Variants in TRPM3 observed in about 807,000 individuals in gnomAD.
TRPM3 encodes the protein long transient receptor potential channel 3.
Under a neutral mutation model 181.2 loss-of-function variants are expected in TRPM3, and 77 were observed. The observed-to-expected ratio is 0.42, with a 90% CI of 0.35 to 0.51. TRPM3 has a LOEUF of 0.51. Ranked by LOEUF, TRPM3 falls within the 20% of genes least tolerant of loss-of-function variation. The pLI is 0.01. For synonymous variants in TRPM3, 745 were observed against 796.4 expected, an observed-to-expected ratio of 0.94 and a Z score of 1.09; for missense variants, 1,759 against 2,196.7, an observed-to-expected ratio of 0.80 and a Z score of 3.98.
chr9:71,384,925 A>G (rs1437938540), intron 1 of TRPM3, among the ~76,000 whole-genome samples: 1 of 152,224 alleles, frequency 6.6e-6, no homozygotes, highest in Non-Finnish European at 1.5e-5. Context: ...TCTTTTAATT[A>G]AAAGAGAAAA....
At chr9:70,581,793 C>T (rs2055773815) in intron 22 of TRPM3, among the ~76,000 whole-genome samples, 1 of 152,080 alleles carries the variant, frequency 6.6e-6, no homozygotes, top group Non-Finnish European at 1.5e-5. Context: ...CTGCATGGGC[C>T]TCAACTGGTC....
chr9:70,780,745 C>T (rs2082275126), intron 7 of TRPM3, among the ~76,000 whole-genome samples: 1 of 152,134 alleles, frequency 6.6e-6, no homozygotes, highest in Admixed American at 6.6e-5. Context: ...AGCAAGAGCA[C>T]ACTTTTATCA....
intron 1 of TRPM3, among the ~76,000 whole-genome samples, chr9:71,292,232 A>T (rs1366839910): frequency 6.6e-6 from 1 of 152,094 alleles, no homozygotes; most frequent in East Asian, 1.9e-4. Flanking sequence ...GCATACACAC[A>T]TACACAGGGC....
chr9:70,618,814 C>G, intron 17 of TRPM3, 53 bp downstream of exon 17: 4 of 1,534,666 alleles, frequency 2.6e-6, no homozygotes, highest in Non-Finnish European at 3.6e-6. Flanking sequence ...TGGGAAAACT[C>G]TAACCCACCC....
intron 18 of TRPM3, among the ~76,000 whole-genome samples, chr9:70,614,076 C>A (rs1468891665): frequency 6.6e-6 from 1 of 152,102 alleles, no homozygotes; most frequent in African/African-American, 2.4e-5. Context: ...TCACCCTTAA[C>A]CTATTGTCTA....
chr9:70,610,496 C>T, intron 19 of TRPM3, 113 bp downstream of exon 19: 3 of 1,309,050 alleles, frequency 2.3e-6, no homozygotes, highest in South Asian at 3.0e-5. Flanking sequence ...ACAGAACTTT[C>T]ACTCCTGTGT....
chr9:71,170,054 T>A (rs2076773279), intron 1 of TRPM3, among the ~76,000 whole-genome samples: 1 of 149,594 alleles, frequency 6.7e-6, no homozygotes, highest in Non-Finnish European at 1.5e-5. Flanking sequence ...GCTTAATTTC[T>A]AATTTCCAGT....
chr9:70,686,804 T>C (rs2067041938), intron 8 of TRPM3, among the ~76,000 whole-genome samples: 1 of 138,420 alleles, frequency 7.2e-6, no homozygotes, highest in Non-Finnish European at 1.5e-5. Flanking sequence ...CCTCCCTCCC[T>C]CTTTCTTTTC....
At position 71,282,170 on chromosome 9, in the gene TRPM3, T is replaced by C. The variant is rs1469100008; in HGVS notation, c.183+164483A>G. Among the ~76,000 whole-genome samples, 6 of 16,540 alleles carry C rather than the reference T, an allele frequency of 3.6e-4. 1 individual carries two copies. The highest frequency in any genetic ancestry group is 8.4e-4 in the African/African-American group (3 of 3,566). 10.9% of individuals were successfully genotyped at this position (16,540 alleles called of 152,430 possible). Reference sequence around the variant, plus strand: ...GAAAGAAAGAAAGGAAAAGAAAGAATGAAAGAAAGAAAGAAAGGAAAGAAA... The same window carrying C: ...GAAAGAAAGAAAGGAAAAGAAAGAACGAAAGAAAGAAAGAAAGGAAAGAAA... On this transcript the variant is annotated intron_variant, in intron 1 of 24. Transcript: ENST00000357533.
chr9:71,146,323 T>C (rs551591291), intron 1 of TRPM3, among the ~76,000 whole-genome samples: 1 of 152,248 alleles, frequency 6.6e-6, no homozygotes, highest in East Asian at 1.9e-4. Flanking sequence ...GCTCATACTA[T>C]ACATTCCAGA....
chr9:71,345,770 T>C (rs760537160), intron 1 of TRPM3, among the ~76,000 whole-genome samples: 1 of 152,124 alleles, frequency 6.6e-6, no homozygotes, highest in African/African-American at 2.4e-5. Flanking sequence ...TACAGTTATA[T>C]GACAAAAGAA....
intron 1 of TRPM3, among the ~76,000 whole-genome samples, chr9:71,430,575 A>G (rs1358482565): frequency 6.6e-6 from 1 of 152,092 alleles, no homozygotes; most frequent in Non-Finnish European, 1.5e-5. Context: ...GCACTTTGGG[A>G]GGCTGAGGCG....
chr9:71,177,815 A>G (rs1206577963), intron 1 of TRPM3, among the ~76,000 whole-genome samples: 1 of 151,770 alleles, frequency 6.6e-6, no homozygotes, highest in African/African-American at 2.4e-5. Context: ...GGAGCGTCAC[A>G]TAGGGTTATC....
At chr9:71,083,525 C>G (rs1391327155) in intron 1 of TRPM3, among the ~76,000 whole-genome samples, 1 of 151,940 alleles carries the variant, frequency 6.6e-6, no homozygotes, top group Non-Finnish European at 1.5e-5. Context: ...TTTCACAATG[C>G]TCTGACTATA....
chr9:70,894,571 G>T lies in TRPM3; in HGVS notation c.178-30060C>A, dbSNP rs143982993. ...ACCAGGCACTGCTTTAGGAACTTGG[G>T]AGTACAGTATTGACTAGGAGAGCAT... On this transcript the variant is annotated intron_variant, in intron 1 of 25. Transcript: ENST00000677713. Among the ~76,000 whole-genome samples the T allele has an allele frequency of 2.4e-3, 360 of 152,260 alleles. 2 individuals are homozygous for T. The highest frequency in any genetic ancestry group is 7.9e-3 in the African/African-American group (330 of 41,536).
chr9:71,361,547 T>A (rs1375575778), intron 1 of TRPM3, among the ~76,000 whole-genome samples: 1 of 152,206 alleles, frequency 6.6e-6, no homozygotes, highest in African/African-American at 2.4e-5. Context: ...GAGTTTTACA[T>A]ATGAAGGGCT....
intron 1 of TRPM3, among the ~76,000 whole-genome samples, chr9:71,308,148 T>C (rs1046557795): frequency 1.3e-5 from 2 of 152,102 alleles, no homozygotes; most frequent in African/African-American, 2.4e-5. Context: ...TTTTGTATTT[T>C]TGGTGGTGAG....
In TRPM3 at chr9:70,534,916, C is replaced by G. The variant is rs971516945; in HGVS notation, c.*1037G>C. 6.5e-6 allele frequency: 1 copy of G among 152,856 alleles called. No individual in the cohort carries two copies. The highest frequency in any genetic ancestry group is 2.1e-4 in the South Asian group (1 of 4,876). 9.5% of individuals were successfully genotyped at this position (152,856 alleles called of 1,614,324 possible). ...TTGGCAGTTACGTCTTGGAGGTGTT[C>G]AGGAGGACGTGGTGGAGCCATGCAA... On this transcript the variant is annotated 3_prime_UTR_variant, in exon 26 of 26. Transcript: ENST00000677713.
chr9:70,815,170 TA>T (rs1334264463), intron 6 of TRPM3, among the ~76,000 whole-genome samples: 2 of 152,096 alleles, frequency 1.3e-5, no homozygotes, highest in African/African-American at 4.8e-5. Context: ...GTACAACTTT[TA>T]ACTTGAGAAA....
Sources: gnomAD v4.1 joint callset for allele counts (sites outside exome capture counted in the v4.1 genomes callset) on GRCh38, gnomAD v4.1.1 for gene constraint, MANE v1.5 for transcripts, NCBI Gene and HGNC (gene_info 2026-07-23, HGNC 2026-07-21) for gene names.